Variants in ZCCHC7 observed in about 807,000 individuals in gnomAD.
ZCCHC7 encodes the protein zinc finger CCHC domain-containing protein 7.
A neutral mutation model predicts 52.0 loss-of-function variants in ZCCHC7; 35 were observed. That is an observed-to-expected ratio of 0.67 (90% confidence interval 0.51 to 0.89). The LOEUF (loss-of-function observed/expected upper bound fraction) is 0.89, where lower values mean the gene tolerates loss of function less well. Ranked by LOEUF, ZCCHC7 falls within the 40% of genes least tolerant of loss-of-function variation. The probability of loss-of-function intolerance (pLI) is 0.00; values close to 1 mark genes in which losing one functional copy is unlikely to be tolerated. For synonymous variants in ZCCHC7, 217 were observed against 221.5 expected (o/e 0.98, Z 0.18); for missense variants, 574 against 649.1 (o/e 0.88, Z 1.26).
At chr9:37,274,372 C>T (rs988823907) in intron 2 of ZCCHC7, among the ~76,000 whole-genome samples, 3 of 101,430 alleles carry the variant, frequency 3.0e-5, no homozygotes, top group Non-Finnish European at 5.3e-5. Context: ...TGGAGTCTTG[C>T]TCTGTTGCTC....
chr9:37,342,586 T>C (rs1391314597), intron 6 of ZCCHC7, among the ~76,000 whole-genome samples: 1 of 152,310 alleles, frequency 6.6e-6, no homozygotes, highest in African/African-American at 2.4e-5. Context: ...CAAAGGAGAC[T>C]GCAGAAGAAA....
intron 6 of ZCCHC7, among the ~76,000 whole-genome samples, chr9:37,348,393 T>TCTTTCTTTC (rs1564271303): frequency 4.7e-5 from 7 of 147,522 alleles, no homozygotes; most frequent in African/African-American, 1.7e-4. Flanking sequence ...TTTCTTTCTT[T>TCTTTCTTTC]TTTGACATGG....
intron 5 of ZCCHC7, among the ~76,000 whole-genome samples, chr9:37,323,531 T>TA (rs1196764602): frequency 6.6e-6 from 1 of 152,184 alleles, no homozygotes; most frequent in Non-Finnish European, 1.5e-5. Flanking sequence ...ACCGATTGGT[T>TA]AAAAAAATTA....
intron 2 of ZCCHC7, among the ~76,000 whole-genome samples, chr9:37,201,585 G>T (rs1823632771): frequency 1.3e-5 from 2 of 152,198 alleles, no homozygotes; most frequent in East Asian, 3.8e-4. Flanking sequence ...TAGAAAATCT[G>T]AATGGGAAGC....
At position 37,275,948 on chromosome 9, in the gene ZCCHC7, G is replaced by C. The variant is rs567444676; in HGVS notation, c.611-26240G>C. Among the ~76,000 whole-genome samples the C allele has an allele frequency of 3.3e-5, 5 of 152,300 alleles. No homozygotes were observed. The South Asian group carries it at 1.0e-3, about 32-fold the overall frequency. On this transcript the variant is annotated intron_variant, in intron 2 of 8. Transcript: ENST00000336755. ...TTACAGGCGTGAGCCACTGTGCCCA[G>C]CTGGCAAACTCTTTTTTCAAAGTAG...
rs532822699 is a variant in ZCCHC7, at chr9:37,120,654, C to G, written c.-22+31C>G. The G allele has an allele frequency of 3.3e-4, 131 of 392,002 alleles. 1 individual carries two copies. Among genetic ancestry groups the G allele is most frequent in the African/African-American group, 2.5e-3 (122 of 48,558 alleles). The allele number at this position is 392,002 out of a possible 1,614,324, so 24.3% of individuals were successfully genotyped here. A position where few individuals can be genotyped will look rare whatever the true frequency, so the allele number is the denominator to read the frequency against. ...TATGTGTGTGACGGACCCCCGCCGC[C>G]CGCGGCTCGGGACCCCTGCCTACCC... On this transcript the variant is annotated intron_variant, in intron 1 of 8. Coordinates refer to ENST00000336755, the MANE Select transcript of ZCCHC7 (RefSeq NM_032226.3).
chr9:37,164,014 C>G (rs1041212280), intron 2 of ZCCHC7, among the ~76,000 whole-genome samples: 4 of 151,772 alleles, frequency 2.6e-5, no homozygotes, highest in Non-Finnish European at 2.9e-5. Flanking sequence ...TTTCATGATG[C>G]CTATACTATA....
rs1826562595 is a variant in ZCCHC7, at chr9:37,255,855, C to G, written c.611-46333C>G. Among the ~76,000 whole-genome samples, 3 of 152,134 alleles carry G rather than the reference C, an allele frequency of 2.0e-5. No individual in the cohort carries two copies. The South Asian group carries it at 6.2e-4, about 31-fold the overall frequency. ...AGAAATGAGAAAATAAGTGAATGAG[C>G]TTTGCCCAGCCACAGATTCTTAACA... On this transcript the variant is annotated intron_variant, in intron 2 of 8. Transcript: ENST00000336755.
In ZCCHC7 at chr9:37,193,401, T is replaced by G. The variant is rs139503994; in HGVS notation, c.610+66459T>G. ...TAAAATTCTCCTACAATAGGAAATT[T>G]TACTGCATTTTGACATCTAGCAGGC... is the stretch of plus-strand genomic sequence containing the variant. On this transcript the variant is annotated intron_variant, in intron 2 of 8. Coordinates refer to ENST00000336755, the MANE Select transcript of ZCCHC7 (RefSeq NM_032226.3). Among the ~76,000 whole-genome samples, 212 of 152,318 alleles carry G rather than the reference T, an allele frequency of 1.4e-3. 1 individual carries two copies. The highest frequency in any genetic ancestry group is 4.8e-3 in the African/African-American group (200 of 41,576).
intron 2 of ZCCHC7, among the ~76,000 whole-genome samples, chr9:37,286,488 T>C (rs1164937586): frequency 6.6e-6 from 1 of 151,966 alleles, no homozygotes; most frequent in East Asian, 1.9e-4. Context: ...TGGAACCCCA[T>C]CTCTACTAAA....
intron 2 of ZCCHC7, among the ~76,000 whole-genome samples, chr9:37,283,858 T>C (rs1828085480): frequency 6.6e-6 from 1 of 152,132 alleles, no homozygotes; most frequent in Non-Finnish European, 1.5e-5. Flanking sequence ...AATGAAACAT[T>C]CCACTGCCCT....
Position 37,126,854 on chromosome 9 carries a change from A to C in ZCCHC7, c.522A>C (p.Glu174Asp). The C allele has an allele frequency of 1.2e-6, 2 of 1,614,184 alleles. No homozygotes were observed. The stretch of plus-strand genomic sequence containing the variant: ...CCATTTCAGAAGGTGATAATGTGGA[A>C]AGCTGGATGCTACTGGGATGTGAAG... The part of the protein sequence containing the change: ...ESTISEGDNV[E>D]SWMLLGCEVD... Residue 174 changes from glutamate to aspartate, a missense_variant, in exon 2 of 9, where the codon GAA (glutamate) becomes GAC (aspartate). Physicochemically the swap from Glu to Asp is conservative, Grantham distance 45. Coordinates refer to ENST00000336755, the MANE Select transcript of ZCCHC7 (RefSeq NM_032226.3).
intron 2 of ZCCHC7, among the ~76,000 whole-genome samples, chr9:37,219,035 G>A (rs1168932706): frequency 6.7e-6 from 1 of 149,944 alleles, no homozygotes; most frequent in Non-Finnish European, 1.5e-5. Context: ...CTGTGCTCCA[G>A]CCTGGTGACA....
chr9:37,327,923 T>C lies in ZCCHC7; in HGVS notation c.987+89T>C, dbSNP rs542499388. On this transcript the variant is annotated intron_variant, in intron 6 of 8. Transcript: ENST00000336755. ...TGACCATAAAATATAGACAAGCATC[T>C]TCTGCTGGAAGATAATAAACATCTG... The C allele has an allele frequency of 2.1e-4, 288 of 1,379,214 alleles. 1 individual carries two copies. The African/African-American group carries it at 3.9e-3, about 19-fold the overall frequency. 85.4% of individuals were successfully genotyped at this position (1,379,214 alleles called of 1,614,324 possible). A position where few individuals can be genotyped will look rare whatever the true frequency, so the allele number is the denominator to read the frequency against.
At chr9:37,172,675 A>G (rs921944528) in intron 2 of ZCCHC7, among the ~76,000 whole-genome samples, 8 of 152,090 alleles carry the variant, frequency 5.3e-5, no homozygotes, top group Admixed American at 1.3e-4. Flanking sequence ...GGGCATTCCA[A>G]TAGGGACTTG....
intron 2 of ZCCHC7, among the ~76,000 whole-genome samples, chr9:37,164,089 T>G (rs1385243173): frequency 6.6e-6 from 1 of 152,192 alleles, no homozygotes; most frequent in East Asian, 1.9e-4. Context: ...TCCAACTTTT[T>G]TTTTTCAAAG....
At chr9:37,182,333 C>T (rs1197272652) in intron 2 of ZCCHC7, among the ~76,000 whole-genome samples, 3 of 151,488 alleles carry the variant, frequency 2.0e-5, no homozygotes, top group African/African-American at 7.3e-5. Flanking sequence ...CTAATGATTA[C>T]AGTTGTATTT....
At chr9:37,333,985 A>T (rs1830548263) in intron 6 of ZCCHC7, 1 of 151,866 alleles carries the variant, frequency 6.6e-6, no homozygotes, top group Non-Finnish European at 1.5e-5. Context: ...ATAAATATAA[A>T]CAAATAGTCT....
At chr9:37,210,026 T>C (rs1824129682) in intron 2 of ZCCHC7, among the ~76,000 whole-genome samples, 1 of 152,014 alleles carries the variant, frequency 6.6e-6, no homozygotes, top group African/African-American at 2.4e-5. Context: ...TTTATTTTTA[T>C]TTTTTTATTT....
Sources: gnomAD v4.1 joint callset for allele counts (sites outside exome capture counted in the v4.1 genomes callset) on GRCh38, gnomAD v4.1.1 for gene constraint, MANE v1.5 for transcripts, NCBI Gene and HGNC (gene_info 2026-07-23, HGNC 2026-07-21) for gene names.